Variants in DNAI7 observed in about 807,000 individuals in gnomAD.
The protein encoded by DNAI7 is cancer susceptibility 1.
A neutral mutation model predicts 86.6 loss-of-function variants in DNAI7; 78 were observed. That is an observed-to-expected ratio of 0.90 (90% CI 0.75 to 1.09). The LOEUF is 1.09. Among genes scored for constraint, DNAI7 ranks in the 50% least tolerant of loss-of-function variants. The pLI is 0.00. For synonymous variants in DNAI7, 274 were observed against 273.0 expected (o/e 1.00, Z -0.04); for missense variants, 753 against 810.2 (o/e 0.93, Z 0.86).
At chr12:25,134,425 C>T (rs1040183726) in intron 9 of DNAI7, among the ~76,000 whole-genome samples, 5 of 134,746 alleles carry the variant, frequency 3.7e-5, no homozygotes, top group East Asian at 2.4e-4. Flanking sequence ...GGCACAATCT[C>T]GGCTCATTGC....
chr12:25,120,121 A>C (rs1940956743), intron 11 of DNAI7, among the ~76,000 whole-genome samples: 1 of 152,112 alleles, frequency 6.6e-6, no homozygotes, highest in African/African-American at 2.4e-5. Flanking sequence ...TTATGGATAA[A>C]GAGAATATTA....
At chr12:25,115,984 T>C (rs986984666) in intron 12 of DNAI7, among the ~76,000 whole-genome samples, 1 of 152,206 alleles carries the variant, frequency 6.6e-6, no homozygotes, top group Non-Finnish European at 1.5e-5. Flanking sequence ...AGCACCCTAC[T>C]ATGTTGTATC....
chr12:25,113,359 T>A (rs1939378847), intron 13 of DNAI7, among the ~76,000 whole-genome samples: 1 of 152,124 alleles, frequency 6.6e-6, no homozygotes, highest in South Asian at 2.1e-4. Flanking sequence ...TGGAGTGCAG[T>A]GGCACAATCT....
At chr12:25,120,541 T>C (rs953037694) in intron 11 of DNAI7, among the ~76,000 whole-genome samples, 14 of 146,796 alleles carry the variant, frequency 9.5e-5, no homozygotes, top group Admixed American at 2.8e-4. Flanking sequence ...GCTAACACGG[T>C]GAAACCCCGT....
rs900300990 is a variant in DNAI7, at chr12:25,155,848, G to A, written c.199-436C>T. 6.6e-5 allele frequency among the ~76,000 whole-genome samples: 10 copies of A among 152,132 alleles called. No individual in the cohort carries two copies. The South Asian group carries it at 1.7e-3, about 25-fold the overall frequency. On this transcript the variant is annotated intron_variant, in intron 4 of 15. Transcript: ENST00000395987. ...CGGATGGATGGGTGCAGTGGCTCAC[G>A]CCTGTAATCCCAGCACTTTGGGAGG... is the stretch of plus-strand genomic sequence containing the variant.
rs1950879145 is a variant in DNAI7, at chr12:25,194,736, T to C, written c.3+340A>G. On this transcript the variant is annotated intron_variant, in intron 1 of 15. Coordinates refer to ENST00000395987, the MANE Select transcript of DNAI7 (RefSeq NM_018272.5). The stretch of plus-strand genomic sequence containing the variant: ...GAAGTACTAAAACATTTCCGCCAAG[T>C]TGCAATAAGAAAATTTAGTGGGAAC... 5.6e-6 allele frequency: 4 copies of C among 712,086 alleles called. No individual in the cohort carries two copies. The East Asian group carries it at 7.9e-5, about 14-fold the overall frequency. The allele number at this position is 712,086 out of a possible 1,614,324, so 44.1% of individuals were successfully genotyped here.
At chr12:25,134,727 AT>A (rs1943342148) in intron 9 of DNAI7, among the ~76,000 whole-genome samples, 1 of 152,116 alleles carries the variant, frequency 6.6e-6, no homozygotes, top group Non-Finnish European at 1.5e-5. Flanking sequence ...ATAACCTAAA[AT>A]GGTTCAATGT....
chr12:25,113,938 GTTTTTTTTTT>G (rs112532652), intron 13 of DNAI7, among the ~76,000 whole-genome samples: 6 of 82,830 alleles, frequency 7.2e-5, no homozygotes, highest in African/African-American at 2.4e-4. Context: ...TTCTTTCTGG[GTTTTTTTTTT>G]TTTTTTTTTT....
At chr12:25,115,135 T>C (rs1442303781) in intron 12 of DNAI7, among the ~76,000 whole-genome samples, 1 of 152,168 alleles carries the variant, frequency 6.6e-6, no homozygotes, top group Non-Finnish European at 1.5e-5. Context: ...GAAAAAGTTT[T>C]TCTCTTTTCA....
chr12:25,122,806 C>T (rs7953781), intron 10 of DNAI7, among the ~76,000 whole-genome samples: 152,028 of 152,340 alleles, frequency 1, 75,861 homozygotes, highest in South Asian at 1. Context: ...AAACAACCTG[C>T]CTATCAATAG....
At chr12:25,190,208 C>A (rs1164519044) in intron 2 of DNAI7, among the ~76,000 whole-genome samples, 1 of 152,056 alleles carries the variant, frequency 6.6e-6, no homozygotes, top group Non-Finnish European at 1.5e-5. Context: ...GTATGTGTTA[C>A]CATGCAACCC....
chr12:25,184,980 A>AG (rs1555185852), intron 2 of DNAI7, among the ~76,000 whole-genome samples: 24 of 150,852 alleles, frequency 1.6e-4, no homozygotes, highest in Non-Finnish European at 2.2e-4. Flanking sequence ...AAAAAAAAAA[A>AG]AAAGAAAGAA....
At chr12:25,164,339 C>A (rs1266584561) in intron 2 of DNAI7, among the ~76,000 whole-genome samples, 1 of 151,862 alleles carries the variant, frequency 6.6e-6, no homozygotes, top group Non-Finnish European at 1.5e-5. Flanking sequence ...GCGCAAGAAC[C>A]CCCCACCCCT....
At chr12:25,119,686 C>T (rs1940886057) in intron 11 of DNAI7, among the ~76,000 whole-genome samples, 1 of 152,154 alleles carries the variant, frequency 6.6e-6, no homozygotes, top group Non-Finnish European at 1.5e-5. Context: ...GACCCTAAAT[C>T]ACATGCTCTA....
chr12:25,127,323 G>A (rs192175239), intron 9 of DNAI7, among the ~76,000 whole-genome samples: 3 of 152,150 alleles, frequency 2.0e-5, no homozygotes, highest in Admixed American at 2.0e-4. Flanking sequence ...GTGTTTGTTG[G>A]CAATGAAGCC....
chr12:25,173,749 C>T (rs144944076), intron 2 of DNAI7, among the ~76,000 whole-genome samples: 218 of 151,066 alleles, frequency 1.4e-3, no homozygotes, highest in African/African-American at 5.0e-3. Context: ...TATATATATA[C>T]ACACACACAT....
At chr12:25,147,487 C>T (rs953635638) in intron 7 of DNAI7, among the ~76,000 whole-genome samples, 6 of 148,714 alleles carry the variant, frequency 4.0e-5, no homozygotes, top group Non-Finnish European at 7.5e-5. Context: ...CCACCCCCAT[C>T]TCTACAAAAA....
chr12:25,123,731 C>A (rs1294346465), intron 9 of DNAI7, among the ~76,000 whole-genome samples: 1 of 152,074 alleles, frequency 6.6e-6, no homozygotes, highest in Admixed American at 6.6e-5. Context: ...GATAGTATCC[C>A]ATTGTACTCT....
At chr12:25,185,564 G>C (rs577309508) in intron 2 of DNAI7, among the ~76,000 whole-genome samples, 1 of 152,132 alleles carries the variant, frequency 6.6e-6, no homozygotes, top group African/African-American at 2.4e-5. Context: ...TCATTTTTTG[G>C]TACAAATAAA....
Sources: gnomAD v4.1 joint callset for allele counts (sites outside exome capture counted in the v4.1 genomes callset) on GRCh38, gnomAD v4.1.1 for gene constraint, MANE v1.5 for transcripts, NCBI Gene and HGNC (gene_info 2026-07-23, HGNC 2026-07-21) for gene names.